LRRC31: variants seen among roughly 807,000 people sequenced by gnomAD.
The protein encoded by LRRC31 is leucine-rich repeat-containing protein 31.
LRRC31 carries 35 observed loss-of-function variants against 46.7 expected under a neutral mutation model. The observed-to-expected ratio is 0.75, with a 90% confidence interval of 0.57 to 0.99. The LOEUF is 0.99. Among genes scored for constraint, LRRC31 ranks in the 50% least tolerant of loss-of-function variants. LRRC31 has a pLI of 0.00. For synonymous variants in LRRC31, 236 were observed against 235.1 expected (o/e 1.00, Z -0.03); for missense variants, 613 against 626.1 (o/e 0.98, Z 0.22).
chr3:169,852,191 G>A (rs1230035248), intron 6 of LRRC31, among the ~76,000 whole-genome samples: 2 of 150,502 alleles, frequency 1.3e-5, no homozygotes, highest in Non-Finnish European at 3.0e-5. Context: ...GAGGTCAGGA[G>A]ATCGAGACCA....
chr3:169,854,331 A>G (rs1395787987), intron 6 of LRRC31, among the ~76,000 whole-genome samples: 1 of 152,218 alleles, frequency 6.6e-6, no homozygotes, highest in African/African-American at 2.4e-5. Flanking sequence ...TTACAGAACT[A>G]TGTTTGCAGT....
At chr3:169,864,996 G>T (rs1028878459) in intron 1 of LRRC31, among the ~76,000 whole-genome samples, 2 of 151,972 alleles carry the variant, frequency 1.3e-5, no homozygotes, top group Admixed American at 6.6e-5. Context: ...AGAATTGCTT[G>T]AACCCAGAAG....
intron 5 of LRRC31, among the ~76,000 whole-genome samples, chr3:169,856,117 A>T (rs1780933129): frequency 6.6e-6 from 1 of 152,018 alleles, no homozygotes; most frequent in Non-Finnish European, 1.5e-5. Flanking sequence ...TCCTGATCTC[A>T]AGTGATCCGC....
rs1781428511 is a variant in LRRC31, at chr3:169,869,616, A to G, written c.175+17T>C. On this transcript the variant is annotated intron_variant, in intron 1 of 8. Coordinates refer to ENST00000316428, the MANE Select transcript of LRRC31 (RefSeq NM_024727.4). ...AAACAAATACAACAGCAAAAACACC[A>G]GCAGCCAGCAGCTTACCAGTCTCTG... 5 of 1,554,936 alleles carry G rather than the reference A, an allele frequency of 3.2e-6. No homozygotes were observed. In the East Asian group the frequency reaches 1.1e-4, roughly 35 times the overall value.
Position 169,848,281 on chromosome 3 carries a change from G to T in LRRC31, c.1166C>A (p.Ala389Asp). The change falls in exon 8 of 9, where the codon GCC (alanine) becomes GAC (aspartate). Residue 389 changes from alanine to aspartate, a missense_variant. Coordinates refer to ENST00000316428, the MANE Select transcript of LRRC31 (RefSeq NM_024727.4). The stretch of plus-strand genomic sequence containing the variant: ...TTCCAGAGCAGAGAGGTGAACAGAG[G>T]CTTCAGCTAAAAGTGATAACAATAC... ...ESETFTALAE[A>D]SVHLSALEVF... The T allele has an allele frequency of 6.2e-7, 1 of 1,613,872 alleles. No individual in the cohort carries two copies.
chr3:169,841,349 C>T (rs540332146), intron 8 of LRRC31, among the ~76,000 whole-genome samples: 1 of 152,266 alleles, frequency 6.6e-6, no homozygotes, highest in East Asian at 1.9e-4. Context: ...CTGAACATGC[C>T]CTGGTCTTTC....
intron 8 of LRRC31, among the ~76,000 whole-genome samples, chr3:169,845,899 G>A (rs1780590307): frequency 6.6e-6 from 1 of 152,056 alleles, no homozygotes; most frequent in Non-Finnish European, 1.5e-5. Flanking sequence ...ACACTATCAA[G>A]AGAATGAAAA....
intron 7 of LRRC31, among the ~76,000 whole-genome samples, chr3:169,850,554 T>C (rs1780727108): frequency 6.6e-6 from 1 of 152,174 alleles, no homozygotes; most frequent in African/African-American, 2.4e-5. Context: ...TGGTACATTT[T>C]CTGTATGCAA....
intron 3 of LRRC31, among the ~76,000 whole-genome samples, chr3:169,859,310 C>T (rs1218994185): frequency 1.8e-5 from 1 of 55,948 alleles, no homozygotes; most frequent in African/African-American, 6.7e-5. Flanking sequence ...AAAAAAAGGC[C>T]GGGGGGGCGG....
At chr3:169,859,008 A>G (rs1180124011) in intron 3 of LRRC31, among the ~76,000 whole-genome samples, 3 of 130,118 alleles carry the variant, frequency 2.3e-5, no homozygotes, top group African/African-American at 5.6e-5. Flanking sequence ...CGCCATCTCA[A>G]AAAAAAAAAG....
chr3:169,864,546 A>T (rs1781272043), intron 1 of LRRC31, among the ~76,000 whole-genome samples: 1 of 152,212 alleles, frequency 6.6e-6, no homozygotes, highest in African/African-American at 2.4e-5. Context: ...ATTTAAACTT[A>T]CTGGAACCTC....
chr3:169,850,981 A>G (rs1363178492), intron 7 of LRRC31, among the ~76,000 whole-genome samples: 1 of 152,042 alleles, frequency 6.6e-6, no homozygotes, highest in South Asian at 2.1e-4. Context: ...AATGGGCAGA[A>G]CTTTCAGATT....
At chr3:169,844,930 C>CA (rs59099192) in intron 8 of LRRC31, among the ~76,000 whole-genome samples, 3,338 of 99,306 alleles carry the variant, frequency 0.034, 52 homozygotes, top group South Asian at 0.081. Context: ...GACTCCATCT[C>CA]AAAAAAAAAA....
intron 3 of LRRC31, among the ~76,000 whole-genome samples, 174 bp downstream of exon 3, chr3:169,860,387 C>T (rs1781112372): frequency 6.6e-6 from 1 of 151,782 alleles, no homozygotes; most frequent in Non-Finnish European, 1.5e-5. Context: ...ACCACCACAC[C>T]CGGCTAACTT....
chr3:169,862,027 G>A (rs1781183351), intron 1 of LRRC31, among the ~76,000 whole-genome samples: 1 of 152,220 alleles, frequency 6.6e-6, no homozygotes, highest in African/African-American at 2.4e-5. Context: ...GGAGCCTGAG[G>A]AACGCAGTGG....
At chr3:169,861,860 T>C in intron 1 of LRRC31, 47 bp from the exon 2 acceptor site, 1 of 1,577,946 alleles carries the variant, frequency 6.3e-7, no homozygotes, top group Non-Finnish European at 8.7e-7. Flanking sequence ...GATGGATGTA[T>C]TAAAGATGCA....
Position 169,855,756 on chromosome 3 carries a change from T to C in LRRC31, c.823+580A>G, listed in dbSNP as rs956278882. Among the ~76,000 whole-genome samples, 5 of 152,312 alleles carry C rather than the reference T, an allele frequency of 3.3e-5. No homozygotes were observed. In the East Asian group the frequency reaches 9.6e-4, roughly 29 times the overall value. On this transcript the variant is annotated intron_variant, in intron 5 of 8. Transcript: ENST00000316428. ...TTCAAAAGAGAAAACCTAGTAGTTCTAGCAGCAAAGAAACTTTATTTTTCC... is the reference window on the plus strand; with the variant it reads ...TTCAAAAGAGAAAACCTAGTAGTTCCAGCAGCAAAGAAACTTTATTTTTCC...
At chr3:169,869,516 C>T in intron 1 of LRRC31, 117 bp downstream of exon 1, 2 of 791,540 alleles carry the variant, frequency 2.5e-6, no homozygotes, top group East Asian at 2.9e-5. Flanking sequence ...TCTCATATAC[C>T]CCATAAATAT....
chr3:169,851,515 A>T, intron 7 of LRRC31, 104 bp downstream of exon 7: 1 of 1,110,288 alleles, frequency 9.0e-7, no homozygotes, highest in Non-Finnish European at 1.3e-6. Flanking sequence ...AAGACAAATT[A>T]GTACTTCGCA....
Sources: gnomAD v4.1 joint callset for allele counts (sites outside exome capture counted in the v4.1 genomes callset) on GRCh38, gnomAD v4.1.1 for gene constraint, MANE v1.5 for transcripts, NCBI Gene and HGNC (gene_info 2026-07-23, HGNC 2026-07-21) for gene names.